NUP210L: variants seen among roughly 807,000 people sequenced by gnomAD.
NUP210L encodes nucleoporin 210 like.
In NUP210L, 74 loss-of-function variants were observed where a neutral mutation model predicts 208.5. The ratio of observed to expected loss-of-function variants is 0.35; its 90% CI spans 0.29 to 0.43. The LOEUF is 0.43. Ranked by LOEUF, NUP210L falls within the 20% of genes least tolerant of loss-of-function variation. The pLI is 1.00. For synonymous variants in NUP210L, 780 were observed against 816.9 expected (o/e 0.95, Z 0.77); for missense variants, 1,843 against 2,289.4 (o/e 0.81, Z 3.98).
intron 37 of NUP210L, chr1:153,995,685 C>G: frequency 1.6e-6 from 2 of 1,250,900 alleles, no homozygotes. Flanking sequence ...CAGCCTCTAA[C>G]AAAACTAGGC....
At chr1:154,035,132 G>A (rs1344664399) in intron 27 of NUP210L, among the ~76,000 whole-genome samples, 3 of 152,008 alleles carry the variant, frequency 2.0e-5, no homozygotes, top group Non-Finnish European at 4.4e-5. Flanking sequence ...GAGCCACCAC[G>A]CCCAGCCAAT....
intron 14 of NUP210L, among the ~76,000 whole-genome samples, chr1:154,098,886 A>C (rs1409778442): frequency 2.0e-5 from 3 of 152,198 alleles, no homozygotes; most frequent in Non-Finnish European, 4.4e-5. Flanking sequence ...TGTAGGTGCC[A>C]AGGGGCACCT....
Position 154,128,799 on chromosome 1 carries a change from A to G in NUP210L, c.1078+478T>C. Among the ~76,000 whole-genome samples the G allele has an allele frequency of 1.3e-5, 2 of 151,408 alleles. 1 individual carries two copies. Among genetic ancestry groups the G allele is most frequent in the Non-Finnish European group, 2.9e-5 (2 of 67,850 alleles). ...GAGGCAGAGGTTGCAGTCAGCCAAGATCACACCACTGCATTCCAGCCTGGG... is the reference window on the plus strand; with the variant it reads ...GAGGCAGAGGTTGCAGTCAGCCAAGGTCACACCACTGCATTCCAGCCTGGG... On this transcript the variant is annotated intron_variant, in intron 8 of 39. Transcript: ENST00000368559.
chr1:154,111,244 G>A (rs993915820), intron 12 of NUP210L, among the ~76,000 whole-genome samples: 6 of 151,168 alleles, frequency 4.0e-5, no homozygotes, highest in Admixed American at 2.6e-4. Flanking sequence ...TTAGCCAGGC[G>A]TGGTAGCAGG....
At chr1:154,104,237 GA>G in intron 12 of NUP210L, 27 bp from the exon 13 acceptor site, 4 of 1,598,976 alleles carry the variant, frequency 2.5e-6, no homozygotes, top group Non-Finnish European at 2.6e-6. Context: ...CATCTTTCAA[GA>G]AAGTTATGTT....
chr1:154,054,598 A>C (rs1032407792), intron 24 of NUP210L, among the ~76,000 whole-genome samples, 172 bp downstream of exon 24: 1 of 152,222 alleles, frequency 6.6e-6, no homozygotes, highest in Non-Finnish European at 1.5e-5. Context: ...GAGAGTTTTT[A>C]TATGATGTAC....
chr1:154,047,125 C>T (rs1336473141), intron 25 of NUP210L, among the ~76,000 whole-genome samples: 1 of 151,794 alleles, frequency 6.6e-6, no homozygotes, highest in Admixed American at 6.6e-5. Context: ...GGTAGGGGGG[C>T]TATGGGGATG....
chr1:154,141,361 G>GA (rs1658844370), intron 4 of NUP210L, 70 bp downstream of exon 4: 2 of 963,694 alleles, frequency 2.1e-6, no homozygotes, highest in African/African-American at 1.6e-5. Context: ...ATGGTTGCTT[G>GA]TTCAGCATGC....
chr1:154,022,284 A>C lies in NUP210L; in HGVS notation c.4358T>G (p.Val1453Gly), dbSNP rs771529831. ...CCCCACAAGTGTCAGCCCTCTGTTCACAGCCTGGGCCATGTAAGTATAGTT... is the reference window on the plus strand; with the variant it reads ...CCCCACAAGTGTCAGCCCTCTGTTCCCAGCCTGGGCCATGTAAGTATAGTT... Residue 1453 changes from valine (V) to glycine (G), a missense_variant, in exon 32 of 40, where the codon GTG becomes GGG. Physicochemically the swap from Val to Gly is moderately radical, Grantham distance 109. Around this residue, in one of 5 missense-constraint regions of NUP210L, gnomAD observed 781 missense variants for 973.8 expected, o/e 0.80. Transcript: ENST00000368559. The C allele has an allele frequency of 2.5e-6, 4 of 1,614,050 alleles. No individual in the cohort carries two copies. The South Asian group carries it at 4.4e-5, about 18-fold the overall frequency.
intron 7 of NUP210L, among the ~76,000 whole-genome samples, chr1:154,132,540 T>C (rs4845363): frequency 0.31 from 47,852 of 151,970 alleles, 8,245 homozygotes; most frequent in Admixed American, 0.46. Flanking sequence ...TGCTGGGACA[T>C]ATTATGAATA....
exon 14 of NUP210L, chr1:154,100,043 C>T (rs754448586): frequency 6.2e-7 from 1 of 1,613,702 alleles, no homozygotes; most frequent in East Asian, 2.2e-5. Flanking sequence ...TCTCCAAGTA[C>T]TTGTCACATT....
At chr1:154,055,128 TTTCTTTC>T (rs1324845786) in intron 23 of NUP210L, among the ~76,000 whole-genome samples, 31 of 19,002 alleles carry the variant, frequency 1.6e-3, no homozygotes, top group Middle Eastern at 0.028. Context: ...CTTTCTTTTC[TTTCTTTC>T]TTTCTTTCTT....
intron 35 of NUP210L, 58 bp from the exon 36 acceptor site, chr1:154,002,043 T>C: frequency 6.5e-7 from 1 of 1,550,376 alleles, no homozygotes; most frequent in African/African-American, 1.4e-5. Context: ...TTGAGCCAAC[T>C]GAATTAGGAT....
intron 17 of NUP210L, among the ~76,000 whole-genome samples, chr1:154,062,237 A>C (rs116788314): frequency 0.011 from 1,692 of 152,270 alleles, 38 homozygotes; most frequent in African/African-American, 0.039. Context: ...GGCGAAATCT[A>C]AAATTCTTTC....
At chr1:154,138,840 C>CA (rs1043433858) in intron 5 of NUP210L, among the ~76,000 whole-genome samples, 7 of 151,854 alleles carry the variant, frequency 4.6e-5, no homozygotes, top group Non-Finnish European at 8.8e-5. Flanking sequence ...TTAAATGTGT[C>CA]AAAAAAAGTT....
At chr1:154,046,470 A>C (rs993161861) in intron 25 of NUP210L, 101 bp from the exon 26 acceptor site, 1 of 995,456 alleles carries the variant, frequency 1.0e-6, no homozygotes, top group Non-Finnish European at 1.6e-6. Flanking sequence ...TTTAACATTC[A>C]GTAAAAAACC....
intron 35 of NUP210L, among the ~76,000 whole-genome samples, chr1:154,008,789 G>A (rs557300260): frequency 1.3e-5 from 2 of 152,232 alleles, no homozygotes; most frequent in African/African-American, 4.8e-5. Context: ...CTGCTGTCAG[G>A]TATTATAAAC....
At chr1:154,030,835 A>T (rs993120012) in intron 27 of NUP210L, among the ~76,000 whole-genome samples, 1 of 150,984 alleles carries the variant, frequency 6.6e-6, no homozygotes, top group African/African-American at 2.4e-5. Flanking sequence ...GAGCTCAAGC[A>T]ATCCTCCCAC....
rs1654140626 is a variant in NUP210L at position 154,061,581 on chromosome 1, C to G, written c.2643+5G>C. ...TATATTTCTTACATTATAATCTCCA[C>G]TCACTTTTGGGCTTTTCTTCTCTGA... On this transcript the variant is annotated splice_donor_5th_base_variant and intron_variant, in intron 18 of 39. Coordinates refer to ENST00000368559, the Ensembl canonical transcript of NUP210L. 1 of 1,498,398 alleles carries G rather than the reference C, an allele frequency of 6.7e-7. No individual in the cohort carries two copies. Among genetic ancestry groups the G allele is most frequent in the South Asian group, 1.2e-5 (1 of 85,204 alleles). 92.8% of individuals were successfully genotyped at this position (1,498,398 alleles called of 1,614,324 possible). A position where few individuals can be genotyped will look rare whatever the true frequency, so the allele number is the denominator to read the frequency against.
Sources: gnomAD v4.1 joint callset for allele counts (sites outside exome capture counted in the v4.1 genomes callset) on GRCh38, gnomAD v4.1.1 for gene constraint, gnomAD v4.1.1 regional missense constraint, MANE v1.5 for transcripts, NCBI Gene and HGNC (gene_info 2026-07-23, HGNC 2026-07-21) for gene names.